Variants in FAM135A observed in about 807,000 individuals in gnomAD.
FAM135A encodes protein FAM135A.
A neutral mutation model predicts 146.8 loss-of-function variants in FAM135A; 79 were observed. The observed-to-expected ratio is 0.54, with a 90% CI of 0.45 to 0.65. The LOEUF (loss-of-function observed/expected upper bound fraction) is 0.65. Among genes scored for constraint, FAM135A ranks in the 30% least tolerant of loss-of-function variants. The pLI is 0.00. For missense variants in FAM135A, 1,623 were observed against 1,758.2 expected, an observed-to-expected ratio of 0.92 and a Z score of 1.38; for synonymous variants, 562 against 603.6, an observed-to-expected ratio of 0.93 and a Z score of 1.01.
chr6:70,503,484 C>T (rs1789043171), intron 12 of FAM135A: 2 of 151,972 alleles, frequency 1.3e-5, no homozygotes, highest in South Asian at 4.1e-4. Flanking sequence ...TCAGAAAATG[C>T]ATAAAACAGG....
At chr6:70,534,679 G>A (rs1042624310) in intron 18 of FAM135A, among the ~76,000 whole-genome samples, 3 of 152,110 alleles carry the variant, frequency 2.0e-5, no homozygotes, top group Non-Finnish European at 2.9e-5. Flanking sequence ...GATTACACCA[G>A]TATGAGTTTC....
chr6:70,551,507 A>T (rs1427997633), intron 20 of FAM135A, among the ~76,000 whole-genome samples: 1 of 152,156 alleles, frequency 6.6e-6, no homozygotes, highest in African/African-American at 2.4e-5. Flanking sequence ...GCTACTTGGG[A>T]GGTTGAAGTG....
chr6:70,513,774 T>C (rs1277697829), intron 12 of FAM135A, among the ~76,000 whole-genome samples: 1 of 152,094 alleles, frequency 6.6e-6, no homozygotes. Context: ...AGTTGGTCAA[T>C]AGCGTTATTT....
chr6:70,493,823 C>T (rs1365188551), intron 11 of FAM135A, among the ~76,000 whole-genome samples: 2 of 152,042 alleles, frequency 1.3e-5, no homozygotes, highest in African/African-American at 2.4e-5. Flanking sequence ...GAAGCCGAAG[C>T]GGGCGGATCA....
At chr6:70,429,519 C>A (rs752314087) in intron 4 of FAM135A, among the ~76,000 whole-genome samples, 3 of 149,678 alleles carry the variant, frequency 2.0e-5, no homozygotes, top group Middle Eastern at 3.2e-3. Context: ...TCTCAAGGAA[C>A]GTTAAAAAAA....
chr6:70,502,729 G>A lies in FAM135A; in HGVS notation c.967G>A (p.Glu323Lys). 1 of 1,613,246 alleles carries A rather than the reference G, an allele frequency of 6.2e-7. No individual in the cohort carries two copies. Among genetic ancestry groups the A allele is most frequent in the Non-Finnish European group, 8.5e-7 (1 of 1,179,554 alleles). Reference protein sequence around the residue: ...LLMALWGQFLEVITLHEELRI... With the variant: ...LLMALWGQFLKVITLHEELRI... ...GATGGCTTTATGGGGACAGTTTCTG[G>A]AAGTTATAACGCTACACGAAGAACT... Residue 323 changes from glutamate to lysine, a missense_variant, in exon 12 of 22, where the codon GAA becomes AAA. This residue lies in a region of FAM135A where 206 missense variants were observed against 194.7 expected (regional missense o/e 1.06). Transcript: ENST00000418814.
chr6:70,499,531 A>C (rs1788032684), intron 11 of FAM135A, among the ~76,000 whole-genome samples: 1 of 152,178 alleles, frequency 6.6e-6, no homozygotes, highest in Non-Finnish European at 1.5e-5. Flanking sequence ...TCATGATACT[A>C]GCTGGTTATT....
At chr6:70,413,824 C>T (rs941955444) in intron 1 of FAM135A, 122 bp downstream of exon 1, 7 of 985,432 alleles carry the variant, frequency 7.1e-6, no homozygotes, top group African/African-American at 1.7e-5. Context: ...GTTCGCCCGC[C>T]GCGGCCCCTC....
intron 4 of FAM135A, among the ~76,000 whole-genome samples, chr6:70,440,371 A>G (rs1562422232): frequency 6.6e-6 from 1 of 152,098 alleles, no homozygotes; most frequent in Non-Finnish European, 1.5e-5. Context: ...CAGAGTCATT[A>G]TTTCACTAGA....
At chr6:70,419,839 G>A (rs1334483865) in intron 2 of FAM135A, among the ~76,000 whole-genome samples, 8 of 152,040 alleles carry the variant, frequency 5.3e-5, no homozygotes, top group Non-Finnish European at 2.9e-5. Context: ...CTGAATCCAC[G>A]TTTACTACAT....
chr6:70,559,911 A>G lies in FAM135A; in HGVS notation c.4538A>G (p.Tyr1513Cys), dbSNP rs757192198. The G allele has an allele frequency of 6.2e-7, 1 of 1,612,294 alleles. No homozygotes were observed. Among genetic ancestry groups the G allele is most frequent in the Non-Finnish European group, 8.5e-7 (1 of 1,178,864 alleles). Residue 1513 changes from tyrosine to cysteine, a missense_variant, in exon 22 of 22, where the codon TAT (tyrosine) becomes TGT (cysteine). Transcript: ENST00000418814. ...EKFFLVAALK[Y>C]FQ is the part of the protein sequence containing the mutation. ...TTCTTTCTGGTTGCTGCCCTCAAAT[A>G]TTTCCAATAGTATAAAAGCATTGTT... is the stretch of plus-strand genomic sequence containing the variant.
At chr6:70,496,913 G>A (rs1458775289) in intron 11 of FAM135A, among the ~76,000 whole-genome samples, 1 of 152,038 alleles carries the variant, frequency 6.6e-6, no homozygotes, top group African/African-American at 2.4e-5. Flanking sequence ...CTGTAGCCTT[G>A]CAGTGTAGTT....
intron 2 of FAM135A, among the ~76,000 whole-genome samples, chr6:70,426,083 C>T (rs1282549827): frequency 6.7e-6 from 1 of 149,878 alleles, no homozygotes; most frequent in African/African-American, 2.5e-5. Context: ...GCAGTCTGGC[C>T]TGGGCGACAG....
chr6:70,550,946 GACA>G (rs1799718048), intron 20 of FAM135A, among the ~76,000 whole-genome samples: 1 of 152,190 alleles, frequency 6.6e-6, no homozygotes, highest in East Asian at 1.9e-4. Flanking sequence ...ATGTTATGGA[GACA>G]ACATCTTTCC....
intron 5 of FAM135A, among the ~76,000 whole-genome samples, chr6:70,468,006 G>A (rs1478977188): frequency 6.6e-6 from 1 of 152,178 alleles, no homozygotes; most frequent in Admixed American, 6.5e-5. Flanking sequence ...AATTCTGAGA[G>A]CCTGCAGGGG....
intron 8 of FAM135A, among the ~76,000 whole-genome samples, chr6:70,478,309 A>G (rs1306708032): frequency 6.6e-6 from 1 of 152,188 alleles, no homozygotes; most frequent in Non-Finnish European, 1.5e-5. Flanking sequence ...TTACAACATC[A>G]TCCTTGTAGT....
At chr6:70,423,930 C>T (rs1769443029) in intron 2 of FAM135A, among the ~76,000 whole-genome samples, 1 of 152,216 alleles carries the variant, frequency 6.6e-6, no homozygotes, top group South Asian at 2.1e-4. Flanking sequence ...ACTCCTCCTC[C>T]ATCCCTCCCA....
intron 12 of FAM135A, 86 bp from the exon 13 acceptor site, chr6:70,522,427 G>A: frequency 9.1e-7 from 1 of 1,093,268 alleles, no homozygotes; most frequent in Non-Finnish European, 1.4e-6. Context: ...AGGCGTAATG[G>A]AGGCAGTTTC....
intron 11 of FAM135A, among the ~76,000 whole-genome samples, chr6:70,500,457 A>G (rs6916831): frequency 0.025 from 3,779 of 152,082 alleles, 112 homozygotes; most frequent in African/African-American, 0.068. Flanking sequence ...GTTTGTTATT[A>G]CCCACCTTCT....
Sources: allele counts gnomAD v4.1 joint callset (sites outside exome capture counted in the v4.1 genomes callset), GRCh38; gene constraint gnomAD v4.1.1; regional missense constraint gnomAD v4.1.1; transcripts MANE v1.5; gene names NCBI Gene and HGNC (gene_info 2026-07-23, HGNC 2026-07-21).